The following SMYD3 variants were observed in gnomAD, a reference collection of about 807,000 sequenced individuals.
SMYD3 encodes histone-lysine N-methyltransferase SMYD3.
In SMYD3, 36 loss-of-function variants were observed where a neutral mutation model predicts 57.7. The observed-to-expected ratio is 0.62, with a 90% CI of 0.48 to 0.82. The LOEUF is 0.82. Among genes scored for constraint, SMYD3 ranks in the 40% least tolerant of loss-of-function variants. SMYD3 has a pLI of 0.00. For synonymous variants in SMYD3, 211 were observed against 195.0 expected, an observed-to-expected ratio of 1.08 and a Z score of -0.68; for missense variants, 515 against 538.8, an observed-to-expected ratio of 0.96 and a Z score of 0.44.
chr1:246,003,379 A>G (rs1206585139), intron 5 of SMYD3, among the ~76,000 whole-genome samples: 1 of 152,196 alleles, frequency 6.6e-6, no homozygotes, highest in Non-Finnish European at 1.5e-5. Flanking sequence ...CTCTTTTAGG[A>G]CTAATTCCGT....
intron 5 of SMYD3, among the ~76,000 whole-genome samples, chr1:246,273,575 CTTTTTTTTTTTT>C (rs75025399): frequency 4.7e-5 from 4 of 84,386 alleles, no homozygotes; most frequent in South Asian, 5.6e-4. Context: ...TTTCACTAAT[CTTTTTTTTTTTT>C]TTTTTTTTTT....
chr1:246,489,895 A>C (rs564230012), intron 1 of SMYD3, among the ~76,000 whole-genome samples: 1 of 151,910 alleles, frequency 6.6e-6, no homozygotes, highest in East Asian at 1.9e-4. Flanking sequence ...TGACAAAATC[A>C]CAGCTCATAG....
intron 5 of SMYD3, among the ~76,000 whole-genome samples, chr1:246,272,510 T>C (rs924271057): frequency 6.6e-6 from 1 of 152,218 alleles, no homozygotes; most frequent in Admixed American, 6.5e-5. Flanking sequence ...TTTGTCAAAA[T>C]GATTTTTCTG....
In SMYD3 at chr1:246,012,643, A is replaced by T. The variant is rs2059304453; in HGVS notation, c.532-82706T>A. ...TGTAAATGCAGTTTCACCAAGTGCT[A>T]CTCTCCCCATACCCACGCCCCTCCC... On this transcript the variant is annotated intron_variant, in intron 5 of 11. Transcript: ENST00000490107. Among the ~76,000 whole-genome samples, 6 of 151,832 alleles carry T rather than the reference A, an allele frequency of 4.0e-5. No homozygotes were observed. In the South Asian group the frequency reaches 1.2e-3, roughly 32 times the overall value.
chr1:245,804,375 G>A (rs1257012551), intron 10 of SMYD3, among the ~76,000 whole-genome samples: 1 of 152,128 alleles, frequency 6.6e-6, no homozygotes, highest in Non-Finnish European at 1.5e-5. Context: ...GAAGTCAGGA[G>A]ATCCAGACCA....
intron 5 of SMYD3, among the ~76,000 whole-genome samples, chr1:246,057,143 A>G (rs1352512162): frequency 1.3e-5 from 2 of 152,208 alleles, no homozygotes; most frequent in Non-Finnish European, 2.9e-5. Context: ...TAACAATAAT[A>G]ATAATTGCAT....
intron 5 of SMYD3, among the ~76,000 whole-genome samples, chr1:246,225,886 G>A (rs2063323563): frequency 6.6e-6 from 1 of 152,216 alleles, no homozygotes; most frequent in African/African-American, 2.4e-5. Context: ...AAGGCTAGAT[G>A]TATCTCAAAG....
At chr1:246,103,831 T>C (rs1301869051) in intron 5 of SMYD3, among the ~76,000 whole-genome samples, 1 of 152,254 alleles carries the variant, frequency 6.6e-6, no homozygotes, top group Non-Finnish European at 1.5e-5. Flanking sequence ...ACCCATCTGC[T>C]GATCACTTCT....
At chr1:245,991,478 G>A (rs2058812418) in intron 5 of SMYD3, among the ~76,000 whole-genome samples, 2 of 152,222 alleles carry the variant, frequency 1.3e-5, no homozygotes, top group South Asian at 4.1e-4. Flanking sequence ...TAGCTGCCAT[G>A]GTTCCGCCTC....
chr1:246,272,266 T>G (rs1311849372), intron 5 of SMYD3, among the ~76,000 whole-genome samples: 2 of 152,216 alleles, frequency 1.3e-5, no homozygotes, highest in East Asian at 3.8e-4. Context: ...TTTGTGTGCC[T>G]TTTATTTCTT....
At position 246,151,047 on chromosome 1, in the gene SMYD3, A is replaced by C. The variant is rs576925043; in HGVS notation, c.531+176154T>G. Among the ~76,000 whole-genome samples, 616 of 152,252 alleles carry C rather than the reference A, an allele frequency of 4.0e-3. 6 individuals carry two copies. Among genetic ancestry groups the C allele is most frequent in the African/African-American group, 0.014 (583 of 41,534 alleles). On this transcript the variant is annotated intron_variant, in intron 5 of 11. Coordinates refer to ENST00000490107, the MANE Select transcript of SMYD3 (RefSeq NM_001167740.2). ...TGGATCACGAGGTCAGGAGTTCAAGACCAGCCTGGCCAAGATGGTGAAACC... is the reference window on the plus strand; with the variant it reads ...TGGATCACGAGGTCAGGAGTTCAAGCCCAGCCTGGCCAAGATGGTGAAACC...
chr1:246,103,418 G>A (rs887860397), intron 5 of SMYD3, among the ~76,000 whole-genome samples: 2 of 151,368 alleles, frequency 1.3e-5, no homozygotes, highest in Non-Finnish European at 2.9e-5. Context: ...GTCCCTCCCT[G>A]TGATTCAGTT....
chr1:245,974,174 C>T (rs1267433969), intron 5 of SMYD3, among the ~76,000 whole-genome samples: 1 of 152,102 alleles, frequency 6.6e-6, no homozygotes, highest in African/African-American at 2.4e-5. Flanking sequence ...CACTTGTGTA[C>T]TGGAAGATGA....
intron 5 of SMYD3, among the ~76,000 whole-genome samples, chr1:245,989,204 T>G (rs1247672564): frequency 1.2e-5 from 1 of 80,536 alleles, no homozygotes; most frequent in African/African-American, 2.9e-5. Context: ...TGGAACATCC[T>G]GTCCCCCTTT....
intron 1 of SMYD3, among the ~76,000 whole-genome samples, chr1:246,429,591 G>GA (rs1474980103): frequency 6.6e-6 from 1 of 152,176 alleles, no homozygotes; most frequent in Admixed American, 6.5e-5. Context: ...GCTGAGAAAT[G>GA]AAACAGCAAT....
In SMYD3 at chr1:246,328,120, G is replaced by C. The variant is rs373382814; in HGVS notation, c.395-783C>G. The stretch of plus-strand genomic sequence containing the variant: ...GAGGCAGGAGAATCACTTGAACCCA[G>C]GAGGTGGCGGTTGCAGTGAGCCAAC... On this transcript the variant is annotated intron_variant, in intron 4 of 11. Coordinates refer to ENST00000490107, the MANE Select transcript of SMYD3 (RefSeq NM_001167740.2). 3.7e-4 allele frequency among the ~76,000 whole-genome samples: 57 copies of C among 152,226 alleles called. 1 individual carries two copies. The East Asian group carries it at 5.0e-3, about 13-fold the overall frequency.
intron 5 of SMYD3, among the ~76,000 whole-genome samples, chr1:246,232,690 T>C (rs750362589): frequency 2.0e-4 from 26 of 129,694 alleles, no homozygotes; most frequent in Middle Eastern, 3.8e-3. Context: ...GATGAACATA[T>C]ACCACACAGA....
chr1:245,981,189 G>A (rs1360641824), intron 5 of SMYD3, among the ~76,000 whole-genome samples: 1 of 152,208 alleles, frequency 6.6e-6, no homozygotes, highest in African/African-American at 2.4e-5. Flanking sequence ...GAATAAACAT[G>A]AGGCCAAATA....
chr1:246,422,451 G>C (rs1303006754), intron 1 of SMYD3, among the ~76,000 whole-genome samples: 1 of 151,752 alleles, frequency 6.6e-6, no homozygotes. Flanking sequence ...TTGAGACAGA[G>C]TCTCATTCTG....
Sources: allele counts gnomAD v4.1 joint callset (sites outside exome capture counted in the v4.1 genomes callset), GRCh38; gene constraint gnomAD v4.1.1; transcripts MANE v1.5; gene names NCBI Gene and HGNC (gene_info 2026-07-23, HGNC 2026-07-21).